The following TRIO variants were observed in gnomAD, a reference collection of about 807,000 sequenced individuals.
TRIO encodes triple functional domain protein.
A neutral mutation model predicts 351.9 loss-of-function variants in TRIO; 58 were observed. The ratio of observed to expected loss-of-function variants is 0.16; its 90% confidence interval spans 0.13 to 0.21. TRIO has a LOEUF of 0.21. TRIO is among the 10% of genes least tolerant of loss of function. TRIO has a pLI of 1.00. For synonymous variants in TRIO, 1,758 were observed against 1,595.7 expected, an observed-to-expected ratio of 1.10 and a Z score of -2.42; for missense variants, 3,201 against 4,027.8, an observed-to-expected ratio of 0.79 and a Z score of 5.56.
At chr5:14,370,903 T>C (rs1222939347) in intron 18 of TRIO, among the ~76,000 whole-genome samples, 2 of 152,234 alleles carry the variant, frequency 1.3e-5, no homozygotes, top group Middle Eastern at 3.2e-3. Flanking sequence ...ATAATTAAGA[T>C]AGCTATTTAG....
At chr5:14,495,960 T>G (rs1756866596) in intron 49 of TRIO, among the ~76,000 whole-genome samples, 1 of 152,044 alleles carries the variant, frequency 6.6e-6, no homozygotes, top group Admixed American at 6.6e-5. Context: ...TGAGCAAGAC[T>G]CCGTCTCAGA....
intron 40 of TRIO, 90 bp from the exon 41 acceptor site, chr5:14,476,797 AAAAAAAG>A (rs1755107743): frequency 2.7e-6 from 3 of 1,120,150 alleles, no homozygotes; most frequent in African/African-American, 1.6e-5. Flanking sequence ...CTCTCAAAAA[AAAAAAAG>A]AAAAAAAGAA....
chr5:14,169,153 T>C (rs1353283418), intron 1 of TRIO, among the ~76,000 whole-genome samples: 4 of 151,790 alleles, frequency 2.6e-5, no homozygotes, highest in Admixed American at 6.6e-5. Flanking sequence ...GGTCTACTTA[T>C]GTTCAACTCC....
At chr5:14,461,520 G>A (rs555417134) in intron 35 of TRIO, among the ~76,000 whole-genome samples, 44 of 152,346 alleles carry the variant, frequency 2.9e-4, no homozygotes, top group African/African-American at 8.7e-4. Flanking sequence ...TCAGGACCAC[G>A]TGTGGCTTCT....
At position 14,497,968 on chromosome 5, in the gene TRIO, T is replaced by A; in HGVS notation, c.8047+94T>A. The A allele has an allele frequency of 6.2e-7, 1 of 1,610,540 alleles. No individual in the cohort carries two copies. The highest frequency in any genetic ancestry group is 1.7e-5 in the Admixed American group (1 of 59,888). ...TTGAGTGTGGCCTCTGGAAATGAGT[T>A]TTCCGTGGCGCTCTAGGCGTGCATA... On this transcript the variant is annotated intron_variant, in intron 51 of 56. Coordinates refer to ENST00000344204, the MANE Select transcript of TRIO (RefSeq NM_007118.4). The surrounding 1 kb of genome is among the most constrained non-coding windows in gnomAD (Gnocchi z 4.4).
At chr5:14,316,081 C>T (rs1739358666) in intron 8 of TRIO, among the ~76,000 whole-genome samples, 1 of 152,162 alleles carries the variant, frequency 6.6e-6, no homozygotes, top group Non-Finnish European at 1.5e-5. Context: ...TTGTGATGAT[C>T]TGCTGTATTC....
intron 33 of TRIO, among the ~76,000 whole-genome samples, chr5:14,413,837 A>G (rs778017745): frequency 2.0e-5 from 3 of 152,214 alleles, no homozygotes; most frequent in Admixed American, 6.5e-5. Flanking sequence ...TCGAAGTTAC[A>G]GTTGGAGATG....
intron 1 of TRIO, among the ~76,000 whole-genome samples, chr5:14,200,390 C>T (rs865784657): frequency 2.0e-5 from 3 of 152,166 alleles, no homozygotes; most frequent in Admixed American, 6.5e-5. Flanking sequence ...TTGCGCTTGT[C>T]GCTTGAACAG....
At chr5:14,193,052 T>C (rs757887553) in intron 1 of TRIO, among the ~76,000 whole-genome samples, 19 of 152,216 alleles carry the variant, frequency 1.2e-4, no homozygotes, top group Non-Finnish European at 2.2e-4. Context: ...AACTCAGATA[T>C]GTTGATAATT....
rs1316529161 is a variant in TRIO at position 14,417,868 on chromosome 5, A to T, written c.4960-1910A>T. Among the ~76,000 whole-genome samples the T allele has an allele frequency of 3.9e-5, 6 of 152,194 alleles. No individual in the cohort carries two copies. The East Asian group carries it at 1.2e-3, about 29-fold the overall frequency. ...ATATTTGAATGCTAGCTGGATGCGG[A>T]GCACAGTGCGAGGCAGGCTGAGGAG... On this transcript the variant is annotated intron_variant, in intron 33 of 56. Coordinates refer to ENST00000344204, the MANE Select transcript of TRIO (RefSeq NM_007118.4).
At chr5:14,241,621 G>A (rs1053818060) in intron 1 of TRIO, among the ~76,000 whole-genome samples, 11 of 152,276 alleles carry the variant, frequency 7.2e-5, no homozygotes, top group African/African-American at 2.4e-4. Context: ...GGCATTGTCA[G>A]CTCTAAAACT....
chr5:14,244,056 C>T (rs1428899079), intron 1 of TRIO, among the ~76,000 whole-genome samples: 1 of 152,208 alleles, frequency 6.6e-6, no homozygotes, highest in Non-Finnish European at 1.5e-5. Context: ...TAGCATTTTA[C>T]ACTTCGGGTG....
chr5:14,226,849 G>C (rs1793073117), intron 1 of TRIO, among the ~76,000 whole-genome samples: 1 of 29,372 alleles, frequency 3.4e-5, no homozygotes, highest in Non-Finnish European at 9.3e-5. Flanking sequence ...TGGCCGGGAA[G>C]TCAGAAGAAG....
chr5:14,476,919 T>A lies in TRIO; in HGVS notation c.6109T>A (p.Cys2037Ser). The change falls in exon 41 of 57, where the codon TGC (cysteine) becomes AGC (serine). Residue 2037 changes from cysteine (C) to serine (S), a missense_variant. This residue lies in a region of TRIO where 307 missense variants were observed against 396.5 expected (regional missense o/e 0.77). Transcript: ENST00000344204. ...RDFFLGELEK[C>S]LEDPEKLGSL... ...CTTTTTTTTAGGAGAGTTAGAGAAG[T>A]GCCTTGAAGATCCAGAAAAACTAGG... The A allele has an allele frequency of 6.2e-7, 1 of 1,614,002 alleles. No homozygotes were observed. Among genetic ancestry groups the A allele is most frequent in the Admixed American group, 1.7e-5 (1 of 60,014 alleles).
intron 34 of TRIO, among the ~76,000 whole-genome samples, chr5:14,440,641 T>C (rs1751953953): frequency 6.6e-6 from 1 of 152,178 alleles, no homozygotes; most frequent in Non-Finnish European, 1.5e-5. Flanking sequence ...TTTTAATAAG[T>C]GAGGAGCGGC....
intron 1 of TRIO, among the ~76,000 whole-genome samples, chr5:14,238,763 G>A (rs767288788): frequency 2.6e-5 from 4 of 152,178 alleles, no homozygotes; most frequent in Non-Finnish European, 2.9e-5. Context: ...AGGCCCTGGT[G>A]GGGGGTGCAA....
At chr5:14,466,285 G>A (rs1181294722) in intron 37 of TRIO, 1 of 152,628 alleles carries the variant, frequency 6.6e-6, no homozygotes, top group African/African-American at 2.4e-5. Context: ...AGATGTGCCA[G>A]GGTCAGTGGT....
At chr5:14,261,413 C>T (rs1033983136) in intron 1 of TRIO, among the ~76,000 whole-genome samples, 14 of 152,218 alleles carry the variant, frequency 9.2e-5, no homozygotes, top group African/African-American at 3.1e-4. Context: ...CGTGAGCCCT[C>T]AGTAGGCTGC....
chr5:14,374,902 G>T (rs1561409606), intron 19 of TRIO, among the ~76,000 whole-genome samples: 1 of 152,096 alleles, frequency 6.6e-6, no homozygotes, highest in South Asian at 2.1e-4. Flanking sequence ...ATACTAAATT[G>T]TAATAGGATT....
Sources: gnomAD v4.1 joint callset for allele counts (sites outside exome capture counted in the v4.1 genomes callset) on GRCh38, gnomAD v4.1.1 for gene constraint, gnomAD v4.1.1 regional missense constraint, Gnocchi (gnomAD v3.1) non-coding constraint, MANE v1.5 for transcripts, NCBI Gene and HGNC (gene_info 2026-07-23, HGNC 2026-07-21) for gene names.